Variants in RABGAP1L observed in about 807,000 individuals in gnomAD.
The protein encoded by RABGAP1L is rab GTPase-activating protein 1-like.
Under a neutral mutation model 137.7 loss-of-function variants are expected in RABGAP1L, and 63 were observed. The observed-to-expected ratio is 0.46, with a 90% CI of 0.37 to 0.56. RABGAP1L has a LOEUF of 0.56. Ranked by LOEUF, RABGAP1L falls within the 20% of genes least tolerant of loss-of-function variation. The probability of loss-of-function intolerance (pLI) is 0.00; values close to 1 mark genes in which losing one functional copy is unlikely to be tolerated. For synonymous variants in RABGAP1L, 431 were observed against 433.7 expected (o/e 0.99, Z 0.08); for missense variants, 1,095 against 1,244.0 (o/e 0.88, Z 1.80).
intron 14 of RABGAP1L, among the ~76,000 whole-genome samples, chr1:174,671,218 T>C (rs1291791486): frequency 1.3e-5 from 2 of 152,230 alleles, no homozygotes; most frequent in Admixed American, 6.5e-5. Context: ...TTATTAGTTC[T>C]AAGATTTTTG....
chr1:174,799,992 T>A, intron 18 of RABGAP1L: 1 of 1,053,946 alleles, frequency 9.5e-7, no homozygotes, highest in Non-Finnish European at 1.1e-6. Flanking sequence ...TCACACATTC[T>A]CACATGCTAG....
chr1:174,527,901 C>CT (rs57707616), intron 13 of RABGAP1L, among the ~76,000 whole-genome samples: 25,636 of 124,796 alleles, frequency 0.21, 2,927 homozygotes, highest in East Asian at 0.37. Context: ...ATATACTTGT[C>CT]TTTTTTTTTT....
At chr1:174,499,317 G>A (rs1661044036) in intron 13 of RABGAP1L, among the ~76,000 whole-genome samples, 1 of 152,108 alleles carries the variant, frequency 6.6e-6, no homozygotes, top group Non-Finnish European at 1.5e-5. Flanking sequence ...GTAGAAAGAT[G>A]ATTGTAATCT....
chr1:174,550,731 G>A (rs945334497), intron 13 of RABGAP1L, among the ~76,000 whole-genome samples: 5 of 150,234 alleles, frequency 3.3e-5, no homozygotes, highest in East Asian at 2.0e-4. Context: ...TATAAAACCC[G>A]CTACCAAGCT....
chr1:174,463,407 CAAAAACA>C (rs1195440733), intron 13 of RABGAP1L, among the ~76,000 whole-genome samples: 1 of 146,796 alleles, frequency 6.8e-6, no homozygotes, highest in Non-Finnish European at 1.5e-5. Flanking sequence ...TAAACTATCG[CAAAAACA>C]AAAAACCAAA....
intron 11 of RABGAP1L, among the ~76,000 whole-genome samples, chr1:174,311,536 T>C (rs753548914): frequency 2.0e-5 from 3 of 152,224 alleles, no homozygotes; most frequent in Admixed American, 6.5e-5. Flanking sequence ...TGTTTGTCTT[T>C]CTGTGCCTGG....
intron 19 of RABGAP1L, among the ~76,000 whole-genome samples, chr1:174,868,130 T>G (rs927019338): frequency 6.6e-5 from 10 of 152,018 alleles, no homozygotes; most frequent in Admixed American, 1.3e-4. Flanking sequence ...AATTTTTTTT[T>G]GTATTTTTAT....
At chr1:174,386,665 G>A (rs1396057394) in intron 12 of RABGAP1L, among the ~76,000 whole-genome samples, 2 of 151,918 alleles carry the variant, frequency 1.3e-5, no homozygotes, top group Non-Finnish European at 2.9e-5. Flanking sequence ...GGGCCACCAC[G>A]CCTGGCTAAT....
At chr1:174,249,137 A>T (rs1238779288) in intron 5 of RABGAP1L, among the ~76,000 whole-genome samples, 1 of 152,176 alleles carries the variant, frequency 6.6e-6, no homozygotes, top group African/African-American at 2.4e-5. Flanking sequence ...ATGTATATAC[A>T]TATATATGTA....
rs1317366154 is a variant in RABGAP1L, at chr1:174,304,966, T to C, written c.1324-20T>C. The C allele has an allele frequency of 6.6e-7, 1 of 1,512,140 alleles. No homozygotes were observed. Among genetic ancestry groups the C allele is most frequent in the Non-Finnish European group, 8.8e-7 (1 of 1,130,144 alleles). The allele number at this position is 1,512,140 out of a possible 1,614,324, so 93.7% of individuals were successfully genotyped here. On this transcript the variant is annotated intron_variant, in intron 10 of 25. Coordinates refer to ENST00000681986, the MANE Select transcript of RABGAP1L (RefSeq NM_001366446.1). ...CCTTCAGATTTCTAATACTTAAATA[T>C]ACTGTTATATTTTTCTCAGTCTGAG...
At chr1:174,914,213 G>A (rs1660496046) in intron 19 of RABGAP1L, among the ~76,000 whole-genome samples, 1 of 152,122 alleles carries the variant, frequency 6.6e-6, no homozygotes, top group Non-Finnish European at 1.5e-5. Flanking sequence ...AGGCCAGTAG[G>A]GTGCCTCTGC....
chr1:174,394,990 G>A (rs1359166375), intron 13 of RABGAP1L, among the ~76,000 whole-genome samples: 4 of 149,426 alleles, frequency 2.7e-5, no homozygotes, highest in Non-Finnish European at 5.9e-5. Flanking sequence ...TAAATTGATG[G>A]CCTCTGCATT....
In RABGAP1L at chr1:174,547,029, CAAAAAA is replaced by C. The variant is rs375413887; in HGVS notation, c.1711-90324_1711-90319del. Reference sequence around the variant, plus strand: ...TGGGCGAAAGAGCGAGACTCTGTCTCAAAAAAAAAAAAAAAAAAAAAAAAAAAGATA... The same window carrying C: ...TGGGCGAAAGAGCGAGACTCTGTCTCAAAAAAAAAAAAAAAAAAAAAGATA... On this transcript the variant is annotated intron_variant, in intron 13 of 25. Coordinates refer to ENST00000681986, the MANE Select transcript of RABGAP1L (RefSeq NM_001366446.1). 7.9e-4 allele frequency among the ~76,000 whole-genome samples: 62 copies of C among 78,252 alleles called. 1 individual carries two copies. In the East Asian group the frequency reaches 0.022, roughly 28 times the overall value. 51.3% of individuals were successfully genotyped at this position (78,252 alleles called of 152,430 possible).
At chr1:174,767,336 A>ATG (rs1685751555) in intron 18 of RABGAP1L, among the ~76,000 whole-genome samples, 1 of 152,144 alleles carries the variant, frequency 6.6e-6, no homozygotes, top group African/African-American at 2.4e-5. Flanking sequence ...AGGTTTTTTC[A>ATG]CATTTATTTA....
intron 14 of RABGAP1L, among the ~76,000 whole-genome samples, chr1:174,655,362 T>C (rs1417517166): frequency 6.6e-6 from 1 of 152,222 alleles, no homozygotes; most frequent in African/African-American, 2.4e-5. Context: ...ACCTTGATGC[T>C]TTCGAAGATT....
intron 13 of RABGAP1L, among the ~76,000 whole-genome samples, chr1:174,570,752 A>T (rs886314061): frequency 2.0e-5 from 3 of 152,222 alleles, no homozygotes; most frequent in Admixed American, 6.5e-5. Flanking sequence ...AATGGCTTTT[A>T]TAAAAAAGTC....
chr1:174,254,702 G>A (rs1480602716), intron 7 of RABGAP1L, among the ~76,000 whole-genome samples: 1 of 152,138 alleles, frequency 6.6e-6, no homozygotes, highest in African/African-American at 2.4e-5. Flanking sequence ...ATTCCGTGGT[G>A]TATATGTGCC....
intron 3 of RABGAP1L, 144 bp downstream of exon 3, chr1:174,221,308 G>A: frequency 1.5e-6 from 1 of 646,464 alleles, no homozygotes; most frequent in Non-Finnish European, 2.5e-6. Flanking sequence ...TTATGTTTCT[G>A]CCTATATCTC....
Position 174,990,040 on chromosome 1 carries a change from C to T in RABGAP1L, c.*39C>T. On this transcript the variant is annotated 3_prime_UTR_variant, in exon 26 of 26. Transcript: ENST00000681986. ...CAAGCACAAGAGCACAATGTTCAAA[C>T]CAATGGAAATCTGGGAGGATTCTTC... 2 of 1,476,732 alleles carry T rather than the reference C, an allele frequency of 1.4e-6. No individual in the cohort carries two copies. Among genetic ancestry groups the T allele is most frequent in the Middle Eastern group, 1.7e-4 (1 of 5,802 alleles). 91.5% of individuals were successfully genotyped at this position (1,476,732 alleles called of 1,614,324 possible). A position where few individuals can be genotyped will look rare whatever the true frequency, so the allele number is the denominator to read the frequency against.
Sources: gnomAD v4.1 joint callset for allele counts (sites outside exome capture counted in the v4.1 genomes callset) on GRCh38, gnomAD v4.1.1 for gene constraint, MANE v1.5 for transcripts, NCBI Gene and HGNC (gene_info 2026-07-23, HGNC 2026-07-21) for gene names.